RAD51B: variants seen among roughly 807,000 people sequenced by gnomAD.
The protein encoded by RAD51B is RAD51 paralog B.
A neutral mutation model predicts 42.2 loss-of-function variants in RAD51B; 38 were observed. The observed-to-expected ratio is 0.90, with a 90% CI of 0.70 to 1.18. The LOEUF is 1.18. Ranked by LOEUF, RAD51B falls within the 50% of genes most tolerant of loss-of-function variation. The pLI is 0.00. For synonymous variants in RAD51B, 154 were observed against 145.2 expected (o/e 1.06, Z -0.43); for missense variants, 373 against 400.7 (o/e 0.93, Z 0.59).
chr14:68,384,432 G>A (rs966550777), intron 8 of RAD51B, among the ~76,000 whole-genome samples: 1 of 152,188 alleles, frequency 6.6e-6, no homozygotes, highest in African/African-American at 2.4e-5. Context: ...TGGAAGCAAT[G>A]ACCATTGGAA....
chr14:68,478,882 C>T (rs1882938105), downstream of RAD51B, among the ~76,000 whole-genome samples: 1 of 152,156 alleles, frequency 6.6e-6, no homozygotes, highest in African/African-American at 2.4e-5. Flanking sequence ...TCAGGTAAAG[C>T]TTGAAAACAA....
chr14:68,400,110 G>T (rs1173599269), intron 8 of RAD51B, among the ~76,000 whole-genome samples: 1 of 152,172 alleles, frequency 6.6e-6, no homozygotes, highest in African/African-American at 2.4e-5. Flanking sequence ...TAAGGCCTGG[G>T]CAAAGGACCC....
At chr14:68,165,723 C>G (rs922038108) in intron 7 of RAD51B, among the ~76,000 whole-genome samples, 4 of 152,170 alleles carry the variant, frequency 2.6e-5, no homozygotes, top group African/African-American at 9.7e-5. Flanking sequence ...CATGCCAGCT[C>G]TTGTCTCCCT....
At chr14:68,359,159 G>A (rs1413077402) in intron 8 of RAD51B, among the ~76,000 whole-genome samples, 3 of 152,032 alleles carry the variant, frequency 2.0e-5, no homozygotes, top group Non-Finnish European at 4.4e-5. Flanking sequence ...GAAAAACCAC[G>A]GGGGAGGAAA....
At chr14:67,913,894 A>AC (rs2044067193) in intron 7 of RAD51B, among the ~76,000 whole-genome samples, 1 of 151,570 alleles carries the variant, frequency 6.6e-6, no homozygotes, top group African/African-American at 2.4e-5. Context: ...ATTTTTTTGC[A>AC]CCCATAAACC....
intron 4 of RAD51B, among the ~76,000 whole-genome samples, chr14:67,859,240 T>C (rs2042089247): frequency 1.3e-5 from 2 of 152,170 alleles, no homozygotes. Context: ...TCTAGTTAGG[T>C]GGATTTATGG....
intron 7 of RAD51B, among the ~76,000 whole-genome samples, chr14:68,075,317 A>C (rs541759107): frequency 3.3e-5 from 5 of 152,254 alleles, no homozygotes; most frequent in South Asian, 2.1e-4. Context: ...TTTCTTTCCC[A>C]GTCCGAGGGC....
At chr14:67,952,300 A>G (rs1254404940) in intron 7 of RAD51B, among the ~76,000 whole-genome samples, 1 of 152,198 alleles carries the variant, frequency 6.6e-6, no homozygotes, top group Non-Finnish European at 1.5e-5. Flanking sequence ...CATTGTCAAT[A>G]CAAAGTACAT....
At chr14:68,452,682 A>G (rs551669287) in intron 9 of RAD51B, among the ~76,000 whole-genome samples, 25 of 152,310 alleles carry the variant, frequency 1.6e-4, no homozygotes, top group Admixed American at 5.2e-4. Context: ...TTTTATCCCC[A>G]TAAGATTCTC....
At chr14:67,893,490 ACACACACACACACACAC>A (rs2043287528) in intron 7 of RAD51B, among the ~76,000 whole-genome samples, 2 of 76,436 alleles carry the variant, frequency 2.6e-5, no homozygotes, top group African/African-American at 1.4e-4. Context: ...ACACACACAC[ACACACACACACACACAC>A]ACAAAAAAAA....
At chr14:68,046,125 T>C (rs2076295490) in intron 7 of RAD51B, among the ~76,000 whole-genome samples, 2 of 152,154 alleles carry the variant, frequency 1.3e-5, no homozygotes, top group Non-Finnish European at 2.9e-5. Flanking sequence ...AAAAGACTTT[T>C]ATATTTTTTA....
chr14:68,321,649 G>A (rs906208424), intron 8 of RAD51B, among the ~76,000 whole-genome samples: 1 of 152,144 alleles, frequency 6.6e-6, no homozygotes, highest in African/African-American at 2.4e-5. Context: ...CTTAAACTCT[G>A]AGCTTCTGTT....
intron 7 of RAD51B, among the ~76,000 whole-genome samples, chr14:68,272,369 G>C (rs2081120732): frequency 6.6e-6 from 1 of 151,914 alleles, no homozygotes; most frequent in African/African-American, 2.4e-5. Flanking sequence ...CCCACTAAGT[G>C]GACGACCCAG....
At chr14:67,986,895 C>A (rs2075204058) in intron 7 of RAD51B, among the ~76,000 whole-genome samples, 1 of 152,176 alleles carries the variant, frequency 6.6e-6, no homozygotes, top group Non-Finnish European at 1.5e-5. Context: ...CCATGCCCAG[C>A]TAATTTTTGT....
Position 68,184,092 on chromosome 14 carries a change from C to CA in RAD51B, c.757-107772dup, listed in dbSNP as rs148664784. Among the ~76,000 whole-genome samples the CA allele has an allele frequency of 1.6e-3, 180 of 113,250 alleles. 1 individual carries two copies. The highest frequency in any genetic ancestry group is 4.6e-3 in the African/African-American group (133 of 28,968). The allele number at this position is 113,250 out of a possible 152,430, so 74.3% of individuals were successfully genotyped here. ...TGGGCGACAGAGGGAGACTCCATCT[C>CA]AAAAAAAAAAAAAAAAAAAATTACC... is the stretch of plus-strand genomic sequence containing the variant. On this transcript the variant is annotated intron_variant, in intron 7 of 10. Transcript: ENST00000471583.
chr14:68,094,203 T>C (rs893078391), intron 7 of RAD51B, among the ~76,000 whole-genome samples: 1 of 152,142 alleles, frequency 6.6e-6, no homozygotes, highest in African/African-American at 2.4e-5. Context: ...GTCAAACATA[T>C]CACTTTTTAA....
chr14:68,052,008 A>T (rs571417190), intron 7 of RAD51B, among the ~76,000 whole-genome samples: 9 of 152,178 alleles, frequency 5.9e-5, no homozygotes, highest in Non-Finnish European at 1.3e-4. Flanking sequence ...TGACATGTAA[A>T]TTGTACACCA....
At chr14:67,983,830 T>A (rs1335898228) in intron 7 of RAD51B, among the ~76,000 whole-genome samples, 1 of 132,996 alleles carries the variant, frequency 7.5e-6, no homozygotes, top group Non-Finnish European at 1.5e-5. Context: ...TGAAAATTGT[T>A]AGGCATATCT....
chr14:68,545,604 A>G (rs1195774853), intron 10 of RAD51B: 2 of 456,022 alleles, frequency 4.4e-6, no homozygotes, highest in African/African-American at 4.0e-5. Context: ...GCCATTGTAA[A>G]GAAGTTCCAC....
Sources: allele counts gnomAD v4.1 joint callset (sites outside exome capture counted in the v4.1 genomes callset), GRCh38; gene constraint gnomAD v4.1.1; transcripts MANE v1.5; gene names NCBI Gene and HGNC (gene_info 2026-07-23, HGNC 2026-07-21).